The following CNBD1 variants were observed in gnomAD, a reference collection of about 807,000 sequenced individuals.
CNBD1 encodes the protein cyclic nucleotide-binding domain-containing protein 1.
CNBD1 carries 71 observed loss-of-function variants against 54.4 expected under a neutral mutation model. That is an observed-to-expected ratio of 1.30 (90% CI 1.08 to 1.59). The LOEUF (loss-of-function observed/expected upper bound fraction) is 1.59. CNBD1 is among the 40% of genes most tolerant of loss of function. The probability of loss-of-function intolerance (pLI) is 0.00; values close to 1 mark genes in which losing one functional copy is unlikely to be tolerated. For synonymous variants in CNBD1, 182 were observed against 170.7 expected (o/e 1.07, Z -0.51); for missense variants, 659 against 518.0 (o/e 1.27, Z -2.64).
chr8:87,308,012 C>T (rs774411063), intron 8 of CNBD1, among the ~76,000 whole-genome samples: 2 of 152,058 alleles, frequency 1.3e-5, no homozygotes, highest in Admixed American at 1.3e-4. Flanking sequence ...GCATTAGCTT[C>T]CTTCTCCAGG....
intron 4 of CNBD1, among the ~76,000 whole-genome samples, chr8:86,999,813 A>G (rs1808955863): frequency 6.6e-6 from 1 of 152,134 alleles, no homozygotes; most frequent in African/African-American, 2.4e-5. Flanking sequence ...AAAATAGTTC[A>G]GTGATGCTCT....
intron 4 of CNBD1, among the ~76,000 whole-genome samples, chr8:86,998,886 A>G (rs1808935702): frequency 6.6e-6 from 1 of 152,148 alleles, no homozygotes; most frequent in Admixed American, 6.6e-5. Context: ...TGGACCCTCA[A>G]AGCATCCCAC....
At position 87,390,218 on chromosome 8, in the gene CNBD1, T is replaced by C. The variant is rs528909664; in HGVS notation, c.213+36432T>C. ...GACTTCATGTCTAAAACACCAAAAGTAATGGCAACAAAAGCCAAAATTGAC... is the reference window on the plus strand; with the variant it reads ...GACTTCATGTCTAAAACACCAAAAGCAATGGCAACAAAAGCCAAAATTGAC... On this transcript the variant is annotated intron_variant, in intron 2 of 7. Transcript: ENST00000521593. 3.8e-3 allele frequency among the ~76,000 whole-genome samples: 578 copies of C among 152,020 alleles called. 6 individuals carry two copies. The highest frequency in any genetic ancestry group is 0.013 in the African/African-American group (557 of 41,470).
intron 2 of CNBD1, among the ~76,000 whole-genome samples, chr8:87,423,064 G>T (rs1228535736): frequency 6.6e-6 from 1 of 151,630 alleles, no homozygotes; most frequent in Non-Finnish European, 1.5e-5. Context: ...CTCATGATTT[G>T]GCTCTCTGTT....
At chr8:86,889,135 A>G (rs1808728047) in intron 2 of CNBD1, among the ~76,000 whole-genome samples, 1 of 152,188 alleles carries the variant, frequency 6.6e-6, no homozygotes, top group African/African-American at 2.4e-5. Flanking sequence ...GCACTGGTAC[A>G]CACCAGGGGC....
intron 4 of CNBD1, among the ~76,000 whole-genome samples, chr8:86,988,040 A>AT (rs1808648873): frequency 6.6e-6 from 1 of 151,994 alleles, no homozygotes; most frequent in African/African-American, 2.4e-5. Context: ...ACTCTCCTTC[A>AT]TTTTTTGTAA....
chr8:87,049,802 G>A (rs886471293), intron 4 of CNBD1, among the ~76,000 whole-genome samples: 1 of 151,792 alleles, frequency 6.6e-6, no homozygotes, highest in African/African-American at 2.4e-5. Flanking sequence ...GAGGATAGCA[G>A]TCCTGCTGTA....
intron 8 of CNBD1, among the ~76,000 whole-genome samples, chr8:87,340,421 T>G (rs536687072): frequency 5.9e-5 from 9 of 152,322 alleles, no homozygotes; most frequent in African/African-American, 1.9e-4. Context: ...TTGGGCTTCC[T>G]GAATCTGGAT....
chr8:86,985,461 A>G (rs905285065), intron 4 of CNBD1, among the ~76,000 whole-genome samples: 1 of 152,060 alleles, frequency 6.6e-6, no homozygotes, highest in Admixed American at 6.6e-5. Flanking sequence ...TGTAGTTTCC[A>G]TTTATAAGTG....
chr8:87,372,122 T>A (rs1235474834), intron 10 of CNBD1, among the ~76,000 whole-genome samples: 1 of 152,064 alleles, frequency 6.6e-6, no homozygotes, highest in Non-Finnish European at 1.5e-5. Context: ...CTTAAGCTGA[T>A]AAGCAACTTC....
intron 2 of CNBD1, 77 bp downstream of exon 2, chr8:86,887,688 A>C: frequency 9.8e-7 from 1 of 1,018,766 alleles, no homozygotes; most frequent in Non-Finnish European, 1.5e-6. Context: ...AAGTATAGTA[A>C]TAAACCATTG....
At chr8:87,307,787 G>A (rs1459448274) in intron 8 of CNBD1, among the ~76,000 whole-genome samples, 1 of 147,640 alleles carries the variant, frequency 6.8e-6, no homozygotes, top group African/African-American at 2.5e-5. Flanking sequence ...GATATTGCAA[G>A]AAAGCTTCAT....
At chr8:87,233,685 A>G (rs1474492808) in intron 5 of CNBD1, among the ~76,000 whole-genome samples, 1 of 151,962 alleles carries the variant, frequency 6.6e-6, no homozygotes, top group Non-Finnish European at 1.5e-5. Context: ...GCCAAGGCTG[A>G]ACTTGAACTC....
intron 6 of CNBD1, among the ~76,000 whole-genome samples, chr8:87,275,501 G>A (rs899757845): frequency 6.7e-6 from 1 of 149,278 alleles, no homozygotes. Flanking sequence ...ATGCAGAAAA[G>A]GCCTTTGACA....
At chr8:87,051,341 G>T (rs1398391842) in intron 4 of CNBD1, among the ~76,000 whole-genome samples, 1 of 152,174 alleles carries the variant, frequency 6.6e-6, no homozygotes, top group African/African-American at 2.4e-5. Flanking sequence ...CTCCTGGATA[G>T]TGAGGGCAGT....
At chr8:87,344,853 T>C (rs1202049263) in intron 8 of CNBD1, among the ~76,000 whole-genome samples, 2 of 152,108 alleles carry the variant, frequency 1.3e-5, no homozygotes, top group Non-Finnish European at 1.5e-5. Context: ...CTGAAATCAT[T>C]ATAGGTAGTT....
intron 3 of CNBD1, among the ~76,000 whole-genome samples, chr8:86,912,685 A>G (rs1809118936): frequency 6.6e-6 from 1 of 152,126 alleles, no homozygotes; most frequent in Non-Finnish European, 1.5e-5. Flanking sequence ...GTTATTTTAG[A>G]GTGTATTTAT....
chr8:86,958,040 A>G (rs1807825473), intron 4 of CNBD1, among the ~76,000 whole-genome samples: 1 of 152,184 alleles, frequency 6.6e-6, no homozygotes, highest in Non-Finnish European at 1.5e-5. Flanking sequence ...CTTTGTTCAC[A>G]TTAGTTTCAA....
At chr8:87,083,585 C>T (rs369399816) in intron 4 of CNBD1, among the ~76,000 whole-genome samples, 1,573 of 117,116 alleles carry the variant, frequency 0.013, 56 homozygotes, top group African/African-American at 0.047. Context: ...CAATGTATTT[C>T]TTTTTTTTTT....
Sources: allele counts gnomAD v4.1 joint callset (sites outside exome capture counted in the v4.1 genomes callset), GRCh38; gene constraint gnomAD v4.1.1; transcripts MANE v1.5; gene names NCBI Gene and HGNC (gene_info 2026-07-23, HGNC 2026-07-21).